Variants in NLGN4Y observed in about 807,000 individuals in gnomAD.
NLGN4Y encodes the protein neuroligin-4, Y-linked.
Under a neutral mutation model 8.4 loss-of-function variants are expected in NLGN4Y, and 4 were observed. That is an observed-to-expected ratio of 0.48 (90% confidence interval 0.23 to 1.09). NLGN4Y has a LOEUF of 1.09. Among genes scored for constraint, NLGN4Y ranks in the 50% least tolerant of loss-of-function variants. The pLI is 0.19. For synonymous variants in NLGN4Y, 35 were observed against 75.6 expected (o/e 0.46, Z 2.78); for missense variants, 90 against 192.3 (o/e 0.47, Z 3.15).
chrY:14,684,459 C>A (rs2080781816), intron 2 of NLGN4Y, among the ~76,000 whole-genome samples: 1 of 32,724 alleles, frequency 3.1e-5, no homozygotes, highest in African/African-American at 1.2e-4. Context: ...AGAAAGCTTG[C>A]ACTCACGGTG....
intron 4 of NLGN4Y, among the ~76,000 whole-genome samples, chrY:14,820,788 A>G (rs2043119774): frequency 3.0e-5 from 1 of 33,301 alleles, no homozygotes; most frequent in Non-Finnish European, 7.4e-5. Context: ...TAGATGGGCG[A>G]GTCTCGCTTG....
At chrY:14,594,515 G>A in intron 1 of NLGN4Y, among the ~76,000 whole-genome samples, 1 of 32,664 alleles carries the variant, frequency 3.1e-5, no homozygotes, top group Non-Finnish European at 7.5e-5. Context: ...TTTTCCTTTT[G>A]GGCCTGTTCT....
intron 1 of NLGN4Y, among the ~76,000 whole-genome samples, chrY:14,591,076 G>A (rs2080369526): frequency 6.1e-5 from 2 of 32,658 alleles, no homozygotes; most frequent in East Asian, 8.0e-4. Flanking sequence ...ACGGCTCTGC[G>A]CTGACGGACT....
At chrY:14,694,325 C>T (rs369101571) in intron 2 of NLGN4Y, among the ~76,000 whole-genome samples, 5 of 33,878 alleles carry the variant, frequency 1.5e-4, no homozygotes, top group African/African-American at 5.7e-4. Context: ...CCAAGTGGTT[C>T]CTTATAGAGG....
At chrY:14,528,330 TTA>T (rs2080100262) in intron 1 of NLGN4Y, among the ~76,000 whole-genome samples, 1 of 31,232 alleles carries the variant, frequency 3.2e-5, no homozygotes, top group African/African-American at 1.2e-4. Context: ...TTACTGTATA[TTA>T]TATATATATA....
At chrY:14,700,827 A>G in intron 2 of NLGN4Y, among the ~76,000 whole-genome samples, 3 of 33,465 alleles carry the variant, frequency 9.0e-5, no homozygotes, top group Admixed American at 8.3e-4. Flanking sequence ...CTGCAGTTCA[A>G]TACTTAATAT....
intron 6 of NLGN4Y, among the ~76,000 whole-genome samples, chrY:14,833,962 A>T: frequency 5.3e-4 from 15 of 28,284 alleles, no homozygotes; most frequent in Non-Finnish European, 8.2e-4. Context: ...ACTCCTCCTG[A>T]CTCCCAAAGG....
intron 2 of NLGN4Y, among the ~76,000 whole-genome samples, chrY:14,698,253 G>A: frequency 3.0e-5 from 1 of 33,538 alleles, no homozygotes; most frequent in African/African-American, 1.2e-4. Flanking sequence ...GTCATTGGCT[G>A]GAAGGGCTTT....
In NLGN4Y at chrY:14,843,860, T is replaced by G; in HGVS notation, c.*2598T>G. 8.2e-6 allele frequency: 1 copy of G among 121,540 alleles called. No homozygotes were observed. The highest frequency in any genetic ancestry group is 3.9e-5 in the South Asian group (1 of 25,604). 30.3% of individuals were successfully genotyped at this position (121,540 alleles called of 400,897 possible). A position where few individuals can be genotyped will look rare whatever the true frequency, so the allele number is the denominator to read the frequency against. On this transcript the variant is annotated 3_prime_UTR_variant, in exon 7 of 7. Coordinates refer to ENST00000684976, the MANE Select transcript of NLGN4Y (RefSeq NM_001365588.1). Reference sequence around the variant, plus strand: ...TATTTTGAGGTTTTGTTCTTTCTTTTGCCTTAAGTAATGACAGAAGATATA... The same window carrying G: ...TATTTTGAGGTTTTGTTCTTTCTTTGGCCTTAAGTAATGACAGAAGATATA...
At chrY:14,778,093 T>C in intron 4 of NLGN4Y, among the ~76,000 whole-genome samples, 7 of 31,307 alleles carry the variant, frequency 2.2e-4, no homozygotes, top group African/African-American at 7.4e-4. Flanking sequence ...GTATGTTCTT[T>C]CCAGCTTTTC....
At chrY:14,534,768 C>CAT (rs2080125584) in intron 1 of NLGN4Y, among the ~76,000 whole-genome samples, 6 of 20,127 alleles carry the variant, frequency 3.0e-4, no homozygotes, top group Non-Finnish European at 5.3e-4. Context: ...TTTTATCTCT[C>CAT]GTGTGTGTGT....
intron 1 of NLGN4Y, among the ~76,000 whole-genome samples, chrY:14,575,808 A>G (rs2080296124): frequency 3.0e-5 from 1 of 33,428 alleles, no homozygotes; most frequent in African/African-American, 1.2e-4. Context: ...CCTTCTAACA[A>G]TCAGGACCCT....
intron 2 of NLGN4Y, among the ~76,000 whole-genome samples, chrY:14,630,421 A>G: frequency 3.0e-5 from 1 of 33,265 alleles, no homozygotes; most frequent in Admixed American, 2.7e-4. Flanking sequence ...TGACACCTCA[A>G]TTCTATCCCC....
At chrY:14,836,954 G>A (rs368402155) in intron 6 of NLGN4Y, among the ~76,000 whole-genome samples, 356 of 33,893 alleles carry the variant, frequency 0.011, no homozygotes, top group Middle Eastern at 0.027. Context: ...TTATGTTGTT[G>A]CACTGAGTCT....
intron 4 of NLGN4Y, among the ~76,000 whole-genome samples, chrY:14,756,882 TATATATATATATA>T: frequency 7.2e-5 from 1 of 13,810 alleles, no homozygotes; most frequent in East Asian, 1.4e-3. Flanking sequence ...TATATATATA[TATATATATATATA>T]TATATATATA....
intron 4 of NLGN4Y, among the ~76,000 whole-genome samples, chrY:14,781,047 G>A (rs2042942391): frequency 3.0e-5 from 1 of 33,162 alleles, no homozygotes; most frequent in Non-Finnish European, 7.4e-5. Context: ...TCAGAAAAAT[G>A]GGTCAAAGGG....
chrY:14,671,280 C>T, intron 2 of NLGN4Y, among the ~76,000 whole-genome samples: 1 of 33,134 alleles, frequency 3.0e-5, no homozygotes, highest in African/African-American at 1.2e-4. Context: ...CCTGTGACTG[C>T]TTTGTTTGGG....
chrY:14,730,771 T>G, intron 4 of NLGN4Y, among the ~76,000 whole-genome samples: 1 of 33,533 alleles, frequency 3.0e-5, no homozygotes, highest in Admixed American at 2.8e-4. Flanking sequence ...TTTTTATGAC[T>G]GACTACTGAG....
rs2080793398 is a variant in NLGN4Y, at chrY:14,686,966, A to AT, written c.473-32484dup. 2.2e-4 allele frequency among the ~76,000 whole-genome samples: 7 copies of AT among 31,883 alleles called. No individual in the cohort carries two copies. In the East Asian group the frequency reaches 2.5e-3, roughly 11 times the overall value. The allele number at this position is 31,883 out of a possible 37,273, so 85.5% of individuals were successfully genotyped here. ...CAGTGCCCAGCTATTTATTTTCTGA[A>AT]TTTTTTTTTGGTAGAGATTGGGTCT... On this transcript the variant is annotated intron_variant, in intron 2 of 6. Transcript: ENST00000684976.
Sources: allele counts gnomAD v4.1 joint callset (sites outside exome capture counted in the v4.1 genomes callset), GRCh38; gene constraint gnomAD v4.1.1; transcripts MANE v1.5; gene names NCBI Gene and HGNC (gene_info 2026-07-23, HGNC 2026-07-21).